The following LATS1 variants were observed in gnomAD, a reference collection of about 807,000 sequenced individuals.
The protein encoded by LATS1 is serine/threonine-protein kinase LATS1.
LATS1 carries 25 observed loss-of-function variants against 106.6 expected under a neutral mutation model. The ratio of observed to expected loss-of-function variants is 0.23; its 90% CI spans 0.17 to 0.33. LATS1 has a LOEUF of 0.33. LATS1 is among the 10% of genes least tolerant of loss of function. LATS1 has a pLI of 1.00. For missense variants in LATS1, 1,040 were observed against 1,382.6 expected (o/e 0.75, Z 3.93); for synonymous variants, 465 against 455.6 (o/e 1.02, Z -0.26).
chr6:149,672,904 A>G (rs1781515771), intron 7 of LATS1, among the ~76,000 whole-genome samples: 1 of 151,916 alleles, frequency 6.6e-6, no homozygotes, highest in Non-Finnish European at 1.5e-5. Flanking sequence ...AGATAGCACC[A>G]TTGCACTCCA....
chr6:149,694,388 G>A (rs1782944886), intron 3 of LATS1, among the ~76,000 whole-genome samples: 1 of 152,178 alleles, frequency 6.6e-6, no homozygotes, highest in Admixed American at 6.5e-5. Flanking sequence ...CTGGAGTGCA[G>A]TGGCAGGATC....
At position 149,660,717 on chromosome 6, in the gene LATS1, C is replaced by T. The variant is rs565046346; in HGVS notation, c.*1012G>A. 8.7e-6 allele frequency: 2 copies of T among 228,732 alleles called. No individual in the cohort carries two copies. The highest frequency in any genetic ancestry group is 3.6e-4 in the South Asian group (2 of 5,492). The allele number at this position is 228,732 out of a possible 1,614,324, so 14.2% of individuals were successfully genotyped here. On this transcript the variant is annotated 3_prime_UTR_variant, in exon 8 of 8. Coordinates refer to ENST00000543571, the MANE Select transcript of LATS1 (RefSeq NM_004690.4). ...TGTAAACTTTCCTAATTATTAATGG[C>T]CATCTTAAGAGTTAATTTTTTCACC...
At position 149,659,876 on chromosome 6, in the gene LATS1, C is replaced by T. The variant is rs934543114; in HGVS notation, c.*1853G>A. The T allele has an allele frequency of 1.3e-5, 3 of 227,560 alleles. No individual in the cohort carries two copies. The highest frequency in any genetic ancestry group is 2.6e-5 in the Non-Finnish European group (3 of 114,732). The allele number at this position is 227,560 out of a possible 1,614,324, so 14.1% of individuals were successfully genotyped here. A position where few individuals can be genotyped will look rare whatever the true frequency, so the allele number is the denominator to read the frequency against. On this transcript the variant is annotated 3_prime_UTR_variant, in exon 8 of 8. Coordinates refer to ENST00000543571, the MANE Select transcript of LATS1 (RefSeq NM_004690.4). ...TTTCTGTATCAAGCTTGTAATGAGC[C>T]TAACATTTCAGTCCCCTCCAAATGA...
At chr6:149,682,964 T>A in intron 4 of LATS1, 115 bp downstream of exon 4, 1 of 774,134 alleles carries the variant, frequency 1.3e-6, no homozygotes. Context: ...CCATAACTGA[T>A]AATATATTTT....
intron 1 of LATS1, among the ~76,000 whole-genome samples, chr6:149,714,614 AG>A (rs1322617092): frequency 1.3e-5 from 2 of 152,222 alleles, no homozygotes; most frequent in African/African-American, 4.8e-5. Flanking sequence ...ATTAAGAAGA[AG>A]AAAAAAAAAC....
chr6:149,689,099 C>T (rs1041931289), intron 3 of LATS1, among the ~76,000 whole-genome samples: 6 of 151,502 alleles, frequency 4.0e-5, no homozygotes, highest in Admixed American at 2.6e-4. Flanking sequence ...ACTCAGGGGG[C>T]GGAGGTTGCA....
At chr6:149,682,118 A>AG (rs1782070417) in intron 4 of LATS1, among the ~76,000 whole-genome samples, 1 of 151,664 alleles carries the variant, frequency 6.6e-6, no homozygotes, top group Admixed American at 6.6e-5. Context: ...CTCAAAAAAA[A>AG]AAAAAAATGA....
In LATS1 at chr6:149,659,017, A is replaced by C. The variant is rs1780795657; in HGVS notation, c.*2712T>G. 1 of 152,490 alleles carries C rather than the reference A, an allele frequency of 6.6e-6. No homozygotes were observed. 9.4% of individuals were successfully genotyped at this position (152,490 alleles called of 1,614,324 possible). A position where few individuals can be genotyped will look rare whatever the true frequency, so the allele number is the denominator to read the frequency against. On this transcript the variant is annotated 3_prime_UTR_variant, in exon 8 of 8. Coordinates refer to ENST00000543571, the MANE Select transcript of LATS1 (RefSeq NM_004690.4). The stretch of plus-strand genomic sequence containing the variant: ...CATTGTTTTTCTCATCTTTTTGGTC[A>C]GGAAGCACCAGATTCTATACTGGAA...
rs945990363 is a variant in LATS1 at position 149,683,523 on chromosome 6, C to G, written c.1566G>C (p.Gln522His). Residue 522 changes from glutamine to histidine, a missense_variant, in exon 4 of 8, where the codon CAG becomes CAC. This residue lies in a region of LATS1 where 624 missense variants were observed against 714.8 expected (regional missense o/e 0.87). Coordinates refer to ENST00000543571, the MANE Select transcript of LATS1 (RefSeq NM_004690.4). ...GACTGGGTTGAACAGTTTGAATTGG[C>G]TGTGGTATCCAAGAAGGGTGTGTAG... ...LAPTHPSWIP[Q>H]PIQTVQPSPF... is the part of the protein sequence containing the mutation. 1.2e-6 allele frequency: 2 copies of G among 1,614,084 alleles called. No homozygotes were observed. The highest frequency in any genetic ancestry group is 1.7e-6 in the Non-Finnish European group (2 of 1,180,050).
Position 149,684,069 on chromosome 6 carries a change from A to G in LATS1, c.1020T>C (p.Phe340=), listed in dbSNP as rs747857813. The G allele has an allele frequency of 3.1e-6, 5 of 1,614,022 alleles. No individual in the cohort carries two copies. The highest frequency in any genetic ancestry group is 2.2e-5 in the East Asian group (1 of 44,890). The part of the protein sequence containing the change: ...IIMQSSSKFN[F]PSGRPGMQNG... ...TCTGCATTCCAGGTCTCCCTGATGG[A>G]AAGTTAAATTTGCTAGAACTCTGCA... The change falls in exon 4 of 8, where the codon TTT becomes TTC. Residue 340 remains phenylalanine, a synonymous_variant. Coordinates refer to ENST00000543571, the MANE Select transcript of LATS1 (RefSeq NM_004690.4).
At chr6:149,674,402 A>C (rs575527039) in intron 7 of LATS1, among the ~76,000 whole-genome samples, 101 of 151,696 alleles carry the variant, frequency 6.7e-4, no homozygotes, top group African/African-American at 2.4e-3. Context: ...TTGAGATGGG[A>C]TCTCACTCTG....
intron 3 of LATS1, among the ~76,000 whole-genome samples, chr6:149,693,825 C>T (rs1782912447): frequency 6.6e-6 from 1 of 152,158 alleles, no homozygotes; most frequent in African/African-American, 2.4e-5. Flanking sequence ...CGCGGTGGCT[C>T]ACGCCTGTAA....
chr6:149,659,639 A>G lies in LATS1; in HGVS notation c.*2090T>C, dbSNP rs1044040866. On this transcript the variant is annotated 3_prime_UTR_variant, in exon 8 of 8. Transcript: ENST00000543571. ...ACCTTAGTCCAAAAGTAAAACAACT[A>G]AATGAAAATTTAAATAAATCAGACT... 4.4e-6 allele frequency: 1 copy of G among 228,952 alleles called. No individual in the cohort carries two copies. The highest frequency in any genetic ancestry group is 8.7e-6 in the Non-Finnish European group (1 of 115,492). 14.2% of individuals were successfully genotyped at this position (228,952 alleles called of 1,614,324 possible).
chr6:149,706,783 C>T (rs1403740904), intron 1 of LATS1, among the ~76,000 whole-genome samples: 1 of 152,122 alleles, frequency 6.6e-6, no homozygotes, highest in Admixed American at 6.6e-5. Context: ...GGGACAGCTT[C>T]TCTCCTAGAG....
At position 149,660,670 on chromosome 6, in the gene LATS1, G is replaced by T; in HGVS notation, c.*1059C>A. The T allele has an allele frequency of 4.3e-6, 1 of 230,702 alleles. No homozygotes were observed. Among genetic ancestry groups the T allele is most frequent in the Non-Finnish European group, 8.6e-6 (1 of 116,580 alleles). 14.3% of individuals were successfully genotyped at this position (230,702 alleles called of 1,614,324 possible). ...AACCTTAAATAAATTAGGAGGACTT[G>T]AATTTTCTACTAAGACCACTCTGTA... is the stretch of plus-strand genomic sequence containing the variant. On this transcript the variant is annotated 3_prime_UTR_variant, in exon 8 of 8. Coordinates refer to ENST00000543571, the MANE Select transcript of LATS1 (RefSeq NM_004690.4).
Position 149,662,254 on chromosome 6 carries a change from A to T in LATS1, c.2884-16T>A. The T allele has an allele frequency of 1.3e-6, 2 of 1,544,296 alleles. No individual in the cohort carries two copies. Among genetic ancestry groups the T allele is most frequent in the South Asian group, 1.2e-5 (1 of 82,448 alleles). ...AGTTGATAACCTTTAAAGATTTTTT[A>T]AAATTAGGGGGAAGAGATAAATTAG... is the stretch of plus-strand genomic sequence containing the variant. On this transcript the variant is annotated splice_polypyrimidine_tract_variant and intron_variant, in intron 7 of 7. Coordinates refer to ENST00000543571, the MANE Select transcript of LATS1 (RefSeq NM_004690.4).
chr6:149,695,215 C>G lies in LATS1; in HGVS notation c.355G>C (p.Val119Leu). 1 of 1,582,510 alleles carries G rather than the reference C, an allele frequency of 6.3e-7. No homozygotes were observed. Residue 119 changes from valine (V) to leucine (L), a missense_variant, in exon 3 of 8, where the codon GTT (valine) becomes CTT (leucine). Transcript: ENST00000543571. ...LQAAGFDEDM[V>L]IQALQKTNNR... The stretch of plus-strand genomic sequence containing the variant: ...TTAGTTTTCTGAAGAGCTTGTATAA[C>G]CATATCCTGATATGAATTGAAGTTT...
At chr6:149,696,893 T>C (rs1192217947) in intron 2 of LATS1, among the ~76,000 whole-genome samples, 9 of 152,174 alleles carry the variant, frequency 5.9e-5, no homozygotes, top group Non-Finnish European at 1.5e-5. Flanking sequence ...CTCAGTGTCT[T>C]TGCCTGTAAT....
chr6:149,669,667 G>A (rs1406362752), intron 7 of LATS1, among the ~76,000 whole-genome samples: 4 of 151,800 alleles, frequency 2.6e-5, no homozygotes, highest in East Asian at 1.9e-4. Context: ...AGGATGACAC[G>A]GGAGAATCTT....
Sources: gnomAD v4.1 joint callset for allele counts (sites outside exome capture counted in the v4.1 genomes callset) on GRCh38, gnomAD v4.1.1 for gene constraint, gnomAD v4.1.1 regional missense constraint, MANE v1.5 for transcripts, NCBI Gene and HGNC (gene_info 2026-07-23, HGNC 2026-07-21) for gene names.